CYSLTR1: variants seen among roughly 807,000 people sequenced by gnomAD.
The protein encoded by CYSLTR1 is G-protein coupled receptor HG55.
In CYSLTR1, 1 loss-of-function variant was observed where a neutral mutation model predicts 2.1. The ratio of observed to expected loss-of-function variants is 0.48; its 90% CI spans 0.17 to 2.28. CYSLTR1 has a LOEUF of 2.28. CYSLTR1 is among the 30% of genes most tolerant of loss of function. The probability of loss-of-function intolerance (pLI) is 0.26; values close to 1 mark genes in which losing one functional copy is unlikely to be tolerated. For missense variants in CYSLTR1, 299 were observed against 250.1 expected, an observed-to-expected ratio of 1.20 and a Z score of -1.32; for synonymous variants, 110 against 89.6, an observed-to-expected ratio of 1.23 and a Z score of -1.28.
At position 78,273,465 on chromosome X, in the gene CYSLTR1, G is replaced by C; in HGVS notation, c.282C>G (p.Phe94Leu). The stretch of plus-strand genomic sequence containing the variant: ...AAGCATAGGTGCTGAGGCGGCACAA[G>C]AAGTCACCAAAGAGCCAAATGCCTT... ...VHKGIWLFGDFLCRLSTYALY... is the reference protein window; with the variant it reads ...VHKGIWLFGDLLCRLSTYALY... Residue 94 changes from phenylalanine to leucine, a missense_variant, in exon 3 of 3, where the codon TTC (phenylalanine) becomes TTG (leucine). Physicochemically the swap from Phe to Leu is conservative, Grantham distance 22. Coordinates refer to ENST00000373304, the MANE Select transcript of CYSLTR1 (RefSeq NM_006639.4). 11 of 1,211,809 alleles carry C rather than the reference G, an allele frequency of 9.1e-6. No homozygotes were observed. Among genetic ancestry groups the C allele is most frequent in the Non-Finnish European group, 1.2e-5 (11 of 895,497 alleles).
chrX:78,323,771 A>C (rs1454214325), intron 1 of CYSLTR1, among the ~76,000 whole-genome samples: 1 of 111,869 alleles, frequency 8.9e-6, no homozygotes, highest in African/African-American at 3.3e-5. Flanking sequence ...CAAGGACCTC[A>C]AGTCTAGATC....
In CYSLTR1 at chrX:78,272,600, A is replaced by G. The variant is rs1438401217; in HGVS notation, c.*133T>C. 3.4e-6 allele frequency: 2 copies of G among 594,047 alleles called. No individual in the cohort carries two copies. The highest frequency in any genetic ancestry group is 4.8e-6 in the Non-Finnish European group (2 of 414,841). 49.0% of individuals were successfully genotyped at this position (594,047 alleles called of 1,213,427 possible). A position where few individuals can be genotyped will look rare whatever the true frequency, so the allele number is the denominator to read the frequency against. On this transcript the variant is annotated 3_prime_UTR_variant, in exon 3 of 3. Coordinates refer to ENST00000373304, the MANE Select transcript of CYSLTR1 (RefSeq NM_006639.4). The stretch of plus-strand genomic sequence containing the variant: ...CTAATCATGTGGATGCATAAATGAG[A>G]TAGAGTTGTAGGCCCAAATAGTTAA...
At chrX:78,318,492 T>C (rs762224766) in intron 1 of CYSLTR1, among the ~76,000 whole-genome samples, 12 of 111,863 alleles carry the variant, frequency 1.1e-4, no homozygotes, top group African/African-American at 3.9e-4. Flanking sequence ...CATTTACCTA[T>C]GTAACAAACC....
Position 78,272,584 on chromosome X carries a change from T to C in CYSLTR1, c.*149A>G, listed in dbSNP as rs929029930. 2.1e-6 allele frequency: 1 copy of C among 476,970 alleles called. No individual in the cohort carries two copies. The highest frequency in any genetic ancestry group is 2.5e-5 in the African/African-American group (1 of 40,092). 39.3% of individuals were successfully genotyped at this position (476,970 alleles called of 1,213,427 possible). ...AAATATCTATAAATATCTAATCATG[T>C]GGATGCATAAATGAGATAGAGTTGT... is the stretch of plus-strand genomic sequence containing the variant. On this transcript the variant is annotated 3_prime_UTR_variant, in exon 3 of 3. Coordinates refer to ENST00000373304, the MANE Select transcript of CYSLTR1 (RefSeq NM_006639.4).
At chrX:78,324,231 ATTAATGGACCT>A (rs774122610) in intron 1 of CYSLTR1, among the ~76,000 whole-genome samples, 1 of 112,451 alleles carries the variant, frequency 8.9e-6, no homozygotes, top group East Asian at 2.8e-4. Context: ...TGTAACATGA[ATTAATGGACCT>A]AAGATGTCTG....
intron 2 of CYSLTR1, among the ~76,000 whole-genome samples, chrX:78,279,205 A>T (rs1449134051): frequency 1.8e-5 from 2 of 111,789 alleles, no homozygotes; most frequent in Non-Finnish European, 3.8e-5. Flanking sequence ...TTTGCAAACT[A>T]TACATCCAAC....
chrX:78,326,587 T>G (rs1277690921), intron 1 of CYSLTR1, among the ~76,000 whole-genome samples: 3 of 112,299 alleles, frequency 2.7e-5, no homozygotes, highest in Non-Finnish European at 3.8e-5. Flanking sequence ...GCTAAAGATT[T>G]TATTAAAATG....
chrX:78,327,051 G>A (rs1416738543), intron 1 of CYSLTR1, among the ~76,000 whole-genome samples: 1 of 111,713 alleles, frequency 9.0e-6, no homozygotes, highest in Admixed American at 9.5e-5. Context: ...GAGGTTTGCG[G>A]AGTGTGTCTC....
rs1347608469 is a variant in CYSLTR1 at position 78,282,091 on chromosome X, C to T, written c.-28+1363G>A. On this transcript the variant is annotated intron_variant, in intron 2 of 2. Transcript: ENST00000373304. Reference sequence around the variant, plus strand: ...GTGACATGTGCCATAAGCTTTCCCACCTGGCTTTTTTCACTGTCTTTTTTT... The same window carrying T: ...GTGACATGTGCCATAAGCTTTCCCATCTGGCTTTTTTCACTGTCTTTTTTT... Among the ~76,000 whole-genome samples, 3 of 112,014 alleles carry T rather than the reference C, an allele frequency of 2.7e-5. 1 individual carries two copies. In the East Asian group the frequency reaches 8.4e-4, roughly 31 times the overall value.
intron 2 of CYSLTR1, among the ~76,000 whole-genome samples, chrX:78,275,640 T>A (rs1320836902): frequency 9.1e-6 from 1 of 109,369 alleles, no homozygotes; most frequent in African/African-American, 3.3e-5. Flanking sequence ...AAATGATGAG[T>A]TAATGGGTGC....
At position 78,272,781 on chromosome X, in the gene CYSLTR1, T is replaced by C. The variant is rs1181654955; in HGVS notation, c.966A>G (p.Arg322=). The change falls in exon 3 of 3, where the codon AGA becomes AGG. Residue 322 remains arginine (R), a synonymous_variant. Transcript: ENST00000373304. ...CTTTTTCTGGCAAAGAGGCCTTCTT[T>C]CTGGGTACATAAGTCACGCTGGACA... ...HSLSSVTYVP[R]KKASLPEKGE... is the part of the protein sequence containing the mutation. 2 of 1,207,668 alleles carry C rather than the reference T, an allele frequency of 1.7e-6. No homozygotes were observed. The highest frequency in any genetic ancestry group is 4.4e-5 in the Admixed American group (2 of 45,306).
intron 1 of CYSLTR1, chrX:78,319,704 G>T (rs1380321357): frequency 8.9e-6 from 1 of 111,976 alleles, no homozygotes; most frequent in East Asian, 2.8e-4. Flanking sequence ...TTCCACAATG[G>T]TTGGACTGCT....
intron 1 of CYSLTR1, among the ~76,000 whole-genome samples, chrX:78,316,927 C>T (rs1923441040): frequency 9.0e-6 from 1 of 111,610 alleles, no homozygotes; most frequent in Non-Finnish European, 1.9e-5. Context: ...TCGGCTAAGG[C>T]AGACTTCATG....
Position 78,272,414 on chromosome X carries a change from T to C in CYSLTR1, c.*319A>G. On this transcript the variant is annotated 3_prime_UTR_variant, in exon 3 of 3. Coordinates refer to ENST00000373304, the MANE Select transcript of CYSLTR1 (RefSeq NM_006639.4). ...TTGACTAATTTTATATATTTTATCG[T>C]TTGTAAAGCTTTTATTTGAAGAGGA... The C allele has an allele frequency of 6.7e-6, 1 of 149,235 alleles. No homozygotes were observed. Among genetic ancestry groups the C allele is most frequent in the Non-Finnish European group, 1.3e-5 (1 of 77,891 alleles). The allele number at this position is 149,235 out of a possible 1,213,427, so 12.3% of individuals were successfully genotyped here.
Position 78,272,737 on chromosome X carries a change from A to ACTT in CYSLTR1, c.1007_1009dup (p.Lys336_Val337insGlu). ...TGGACTGGAAATGGGTTTAAACTAT[A>ACTT]CTTTACATATTTCTTCTCCTTTTTC... is the stretch of plus-strand genomic sequence containing the variant. On this transcript the variant is annotated inframe_insertion, in exon 3 of 3. Coordinates refer to ENST00000373304, the MANE Select transcript of CYSLTR1 (RefSeq NM_006639.4). 8.4e-7 allele frequency: 1 copy of ACTT among 1,191,321 alleles called. No homozygotes were observed. Among genetic ancestry groups the ACTT allele is most frequent in the South Asian group, 1.9e-5 (1 of 52,669 alleles).
chrX:78,298,179 G>C (rs1305849470), intron 1 of CYSLTR1, among the ~76,000 whole-genome samples: 2 of 111,392 alleles, frequency 1.8e-5, no homozygotes, highest in African/African-American at 6.5e-5. Flanking sequence ...TATTTGTATA[G>C]TTTCCAAAAT....
intron 1 of CYSLTR1, among the ~76,000 whole-genome samples, chrX:78,293,538 G>T (rs1346930796): frequency 3.6e-5 from 4 of 111,629 alleles, no homozygotes; most frequent in Non-Finnish European, 5.6e-5. Context: ...TTGCTAGGTT[G>T]GGGAAGTTCT....
intron 1 of CYSLTR1, among the ~76,000 whole-genome samples, chrX:78,293,973 C>A (rs1922466754): frequency 8.9e-6 from 1 of 112,266 alleles, no homozygotes; most frequent in African/African-American, 3.2e-5. Context: ...CTTCTGAAGC[C>A]TTCTTCTCTC....
At position 78,283,525 on chromosome X, in the gene CYSLTR1, T is replaced by A. The variant is rs1921926890; in HGVS notation, c.-99A>T. The A allele has an allele frequency of 8.9e-6, 1 of 112,101 alleles. No homozygotes were observed. The highest frequency in any genetic ancestry group is 9.5e-5 in the Admixed American group (1 of 10,518). The allele number at this position is 112,101 out of a possible 1,213,427, so 9.2% of individuals were successfully genotyped here. A position where few individuals can be genotyped will look rare whatever the true frequency, so the allele number is the denominator to read the frequency against. On this transcript the variant is annotated 5_prime_UTR_variant, in exon 2 of 3. Coordinates refer to ENST00000373304, the MANE Select transcript of CYSLTR1 (RefSeq NM_006639.4). ...GATCAATGCCTTTTACGGTGTAATA[T>A]TAGAGGAAGCCCACGCTGAAATCAT...
Sources: gnomAD v4.1 joint callset for allele counts (sites outside exome capture counted in the v4.1 genomes callset) on GRCh38, gnomAD v4.1.1 for gene constraint, MANE v1.5 for transcripts, NCBI Gene and HGNC (gene_info 2026-07-23, HGNC 2026-07-21) for gene names.